Variants in DLC1 observed in about 807,000 individuals in gnomAD.
DLC1 encodes DLC1 Rho GTPase activating protein, also known as rho GTPase-activating protein 7.
In DLC1, 54 loss-of-function variants were observed where a neutral mutation model predicts 140.3. The ratio of observed to expected loss-of-function variants is 0.38; its 90% CI spans 0.31 to 0.48. The LOEUF (loss-of-function observed/expected upper bound fraction) is 0.48, where lower values mean the gene tolerates loss of function less well. Among genes scored for constraint, DLC1 ranks in the 20% least tolerant of loss-of-function variants. The pLI is 0.96. For synonymous variants in DLC1, 986 were observed against 728.1 expected (o/e 1.35, Z -5.70); for missense variants, 2,536 against 1,907.0 (o/e 1.33, Z -6.14).
At chr8:13,243,546 C>A (rs1829631780) in intron 5 of DLC1, among the ~76,000 whole-genome samples, 1 of 152,050 alleles carries the variant, frequency 6.6e-6, no homozygotes, top group Admixed American at 6.6e-5. Context: ...TTTTAGAGTA[C>A]AAGGAAAGGG....
chr8:13,474,362 A>G (rs1800345143), intron 2 of DLC1, among the ~76,000 whole-genome samples: 2 of 152,204 alleles, frequency 1.3e-5, no homozygotes, highest in South Asian at 4.1e-4. Context: ...AAACACCTGG[A>G]TGTCCAGGAA....
At chr8:13,569,038 A>T (rs571261709) in intron 1 of DLC1, among the ~76,000 whole-genome samples, 27 of 152,332 alleles carry the variant, frequency 1.8e-4, no homozygotes, top group Non-Finnish European at 3.2e-4. Flanking sequence ...TGAAGATTTT[A>T]TGAACCTTCT....
intron 1 of DLC1, chr8:13,567,017 A>G: frequency 6.4e-7 from 1 of 1,550,536 alleles, no homozygotes; most frequent in Non-Finnish European, 8.7e-7. Flanking sequence ...GAATTGGCCC[A>G]AACGGACAAA....
chr8:13,261,562 G>T (rs1586026750), intron 5 of DLC1, among the ~76,000 whole-genome samples: 1 of 152,148 alleles, frequency 6.6e-6, no homozygotes, highest in Non-Finnish European at 1.5e-5. Flanking sequence ...CAAGGGTGGA[G>T]GTGGGGAGGC....
At chr8:13,456,142 T>A (rs1349616846) in intron 2 of DLC1, among the ~76,000 whole-genome samples, 1 of 152,224 alleles carries the variant, frequency 6.6e-6, no homozygotes, top group Non-Finnish European at 1.5e-5. Flanking sequence ...TAGGGCTTCT[T>A]ACTCTGGGGT....
At chr8:13,121,375 T>A (rs1461591199) in intron 5 of DLC1, among the ~76,000 whole-genome samples, 9 of 152,092 alleles carry the variant, frequency 5.9e-5, no homozygotes. Context: ...TTGGCAGGAA[T>A]GTTGTGCAGG....
intron 4 of DLC1, among the ~76,000 whole-genome samples, chr8:13,332,785 C>G (rs879870897): frequency 2.6e-5 from 4 of 152,020 alleles, no homozygotes; most frequent in Admixed American, 6.6e-5. Flanking sequence ...ACTTGATTAA[C>G]CCATTAATTA....
chr8:13,319,862 G>A (rs1193269867), intron 4 of DLC1, among the ~76,000 whole-genome samples: 15 of 108,228 alleles, frequency 1.4e-4, no homozygotes, highest in African/African-American at 4.4e-4. Context: ...TCGCTCTTTC[G>A]CCCAGGCTGC....
chr8:13,568,802 G>A (rs1012036804), intron 1 of DLC1, among the ~76,000 whole-genome samples: 1 of 152,186 alleles, frequency 6.6e-6, no homozygotes, highest in Non-Finnish European at 1.5e-5. Flanking sequence ...ATGTAAAGAT[G>A]ATTTAGTCAT....
At chr8:13,551,349 T>G (rs1236204934) in intron 1 of DLC1, among the ~76,000 whole-genome samples, 1 of 152,076 alleles carries the variant, frequency 6.6e-6, no homozygotes, top group East Asian at 1.9e-4. Context: ...ATATGTGGGT[T>G]CAGACAGTTT....
At chr8:13,317,237 T>A (rs1832895322) in intron 4 of DLC1, among the ~76,000 whole-genome samples, 1 of 152,228 alleles carries the variant, frequency 6.6e-6, no homozygotes, top group Admixed American at 6.5e-5. Context: ...TAAGCCACAT[T>A]TTTGTTTGTA....
At chr8:13,347,206 T>C (rs1251947873) in intron 4 of DLC1, among the ~76,000 whole-genome samples, 1 of 152,226 alleles carries the variant, frequency 6.6e-6, no homozygotes, top group Non-Finnish European at 1.5e-5. Flanking sequence ...TTGGGTATTT[T>C]CTAATCATTT....
rs879540746 is a variant in DLC1, at chr8:13,587,105, C to CACACACACAT, written c.-126+17431_-126+17432insATGTGTGTGT. ...ACACACACACACACACACACACACA[C>CACACACACAT]ATTCATGCATGCGCCTATCCACAGA... is the stretch of plus-strand genomic sequence containing the variant. On this transcript the variant is annotated intron_variant, in intron 1 of 1. Transcript: ENST00000631382. Among the ~76,000 whole-genome samples, 813 of 150,222 alleles carry CACACACACAT rather than the reference C, an allele frequency of 5.4e-3. 6 individuals are homozygous for CACACACACAT. The highest frequency in any genetic ancestry group is 0.015 in the African/African-American group (630 of 40,760).
chr8:13,439,540 G>A (rs570294375), intron 2 of DLC1, among the ~76,000 whole-genome samples: 3 of 151,446 alleles, frequency 2.0e-5, no homozygotes, highest in African/African-American at 7.3e-5. Flanking sequence ...AATTTCAAAT[G>A]CAATTAGTAT....
At chr8:13,561,820 G>T (rs1275745601) in intron 1 of DLC1, among the ~76,000 whole-genome samples, 1 of 152,058 alleles carries the variant, frequency 6.6e-6, no homozygotes, top group Non-Finnish European at 1.5e-5. Flanking sequence ...TTTAAAAATG[G>T]GTAAGGTTAT....
intron 5 of DLC1, among the ~76,000 whole-genome samples, chr8:13,245,194 G>A (rs952920384): frequency 6.6e-6 from 1 of 152,184 alleles, no homozygotes; most frequent in Non-Finnish European, 1.5e-5. Flanking sequence ...GGAAGCCCAG[G>A]CTATAGGAAG....
rs747373797 is a variant in DLC1, at chr8:13,098,551, G to A, written c.3015C>T (p.Phe1005=). ...SNRHRLRWHS[F]QSSHRPSLNS... ...TGAGGCTTGGCCGATGTGAGCTCTG[G>A]AAACTGTGCCATCTCAGTCGGTGCC... The change falls in exon 10 of 18, where the codon TTC becomes TTT. Residue 1005 remains phenylalanine (F), a synonymous_variant. Transcript: ENST00000276297. The A allele has an allele frequency of 2.7e-5, 43 of 1,614,152 alleles. No individual in the cohort carries two copies. The highest frequency in any genetic ancestry group is 3.6e-5 in the Non-Finnish European group (42 of 1,180,004).
At chr8:13,399,292 G>A (rs1414091543) in intron 3 of DLC1, among the ~76,000 whole-genome samples, 2 of 152,228 alleles carry the variant, frequency 1.3e-5, no homozygotes, top group Admixed American at 6.5e-5. Flanking sequence ...GAAAAAACTG[G>A]CATGTTGGGA....
At chr8:13,133,293 T>G (rs1207524655) in intron 5 of DLC1, 3 of 1,257,502 alleles carry the variant, frequency 2.4e-6, no homozygotes, top group Middle Eastern at 3.1e-4. Flanking sequence ...GCGAACTGTC[T>G]CCCGCGCGCT....
Sources: allele counts gnomAD v4.1 joint callset (sites outside exome capture counted in the v4.1 genomes callset), GRCh38; gene constraint gnomAD v4.1.1; transcripts MANE v1.5; gene names NCBI Gene and HGNC (gene_info 2026-07-23, HGNC 2026-07-21).